RFC3: variants seen among roughly 807,000 people sequenced by gnomAD.
RFC3 encodes A1 38 kDa subunit.
RFC3 carries 41 observed loss-of-function variants against 45.1 expected under a neutral mutation model. That is an observed-to-expected ratio of 0.91 (90% confidence interval 0.71 to 1.18). RFC3 has a LOEUF of 1.18. RFC3 is among the 50% of genes most tolerant of loss of function. RFC3 has a pLI of 0.00. For synonymous variants in RFC3, 149 were observed against 144.0 expected, an observed-to-expected ratio of 1.03 and a Z score of -0.25; for missense variants, 423 against 428.1, an observed-to-expected ratio of 0.99 and a Z score of 0.10.
chr13:33,966,499 A>G, exon 9 of RFC3: 1 of 242,296 alleles, frequency 4.1e-6, no homozygotes, highest in South Asian at 1.1e-4. Flanking sequence ...CATGTATTTA[A>G]TAAGTACAAC....
At chr13:33,951,308 C>G (rs1005283670) in intron 8 of RFC3, among the ~76,000 whole-genome samples, 1 of 150,868 alleles carries the variant, frequency 6.6e-6, no homozygotes, top group Non-Finnish European at 1.5e-5. Flanking sequence ...TCTCGGGTCA[C>G]TGCAACCTCT....
At chr13:33,931,921 C>G (rs1448340892) in intron 8 of RFC3, among the ~76,000 whole-genome samples, 3 of 152,040 alleles carry the variant, frequency 2.0e-5, no homozygotes, top group Non-Finnish European at 4.4e-5. Flanking sequence ...TGACAATTTT[C>G]TCCATACTTT....
intron 8 of RFC3, among the ~76,000 whole-genome samples, chr13:33,842,943 C>T (rs1399956363): frequency 6.6e-6 from 1 of 152,106 alleles, no homozygotes; most frequent in Non-Finnish European, 1.5e-5. Context: ...TGTAGTTGTG[C>T]AGTATACATC....
intron 8 of RFC3, among the ~76,000 whole-genome samples, chr13:33,883,408 C>T (rs1208011300): frequency 6.6e-6 from 1 of 152,058 alleles, no homozygotes; most frequent in Non-Finnish European, 1.5e-5. Flanking sequence ...ATTAAAATGC[C>T]ACATCAAAGG....
chr13:33,837,657 A>C (rs1258434709), downstream of RFC3, among the ~76,000 whole-genome samples: 1 of 152,056 alleles, frequency 6.6e-6, no homozygotes, highest in Non-Finnish European at 1.5e-5. Context: ...AATATAAGAG[A>C]ATTCCTGTTG....
chr13:33,864,746 C>G (rs2082362398), intron 8 of RFC3, among the ~76,000 whole-genome samples: 1 of 151,920 alleles, frequency 6.6e-6, no homozygotes, highest in African/African-American at 2.4e-5. Context: ...GTGATATAAT[C>G]CAATAAATGG....
At chr13:33,855,128 G>T (rs2082300875) in intron 8 of RFC3, among the ~76,000 whole-genome samples, 1 of 152,136 alleles carries the variant, frequency 6.6e-6, no homozygotes, top group African/African-American at 2.4e-5. Flanking sequence ...CTCCTCCTTT[G>T]TGCTTTATAA....
chr13:33,922,315 A>G (rs1463928730), intron 8 of RFC3, among the ~76,000 whole-genome samples: 1 of 152,054 alleles, frequency 6.6e-6, no homozygotes, highest in African/African-American at 2.4e-5. Flanking sequence ...TAATTTTAGG[A>G]CTTTCCCATC....
At chr13:33,947,100 C>CAT (rs1354302773) in intron 8 of RFC3, among the ~76,000 whole-genome samples, 2 of 152,188 alleles carry the variant, frequency 1.3e-5, no homozygotes, top group African/African-American at 4.8e-5. Flanking sequence ...TATAATGCAA[C>CAT]ATACATGTTG....
At chr13:33,842,369 A>C (rs2082205861), downstream of RFC3, among the ~76,000 whole-genome samples, 1 of 152,118 alleles carries the variant, frequency 6.6e-6, no homozygotes, top group African/African-American at 2.4e-5. Context: ...AATACGATCT[A>C]ATCTTCCACC....
At chr13:33,970,026 C>T (rs1365024545), downstream of RFC3, among the ~76,000 whole-genome samples, 3 of 151,916 alleles carry the variant, frequency 2.0e-5, no homozygotes, top group Non-Finnish European at 4.4e-5. Flanking sequence ...CAGATCACCC[C>T]ATAACCTAGG....
At chr13:33,834,825 C>G (rs761308126) in intron 7 of RFC3, among the ~76,000 whole-genome samples, 2 of 152,056 alleles carry the variant, frequency 1.3e-5, no homozygotes, top group Non-Finnish European at 2.9e-5. Context: ...CAATTTCTAT[C>G]TGGTATTTTC....
At chr13:33,907,807 A>G (rs909237278) in intron 8 of RFC3, among the ~76,000 whole-genome samples, 1 of 152,116 alleles carries the variant, frequency 6.6e-6, no homozygotes, top group Non-Finnish European at 1.5e-5. Context: ...ATCCAATTTA[A>G]ACTCTGTTAA....
At chr13:33,895,926 A>G (rs1341600384) in intron 8 of RFC3, among the ~76,000 whole-genome samples, 3 of 152,200 alleles carry the variant, frequency 2.0e-5, no homozygotes, top group African/African-American at 2.4e-5. Context: ...CAAATACCAT[A>G]TAATCTCACT....
Position 33,836,477 on chromosome 13 carries a change from G to A in RFC3, c.*182G>A. On this transcript the variant is annotated 3_prime_UTR_variant, in exon 9 of 9. Transcript: ENST00000380071. ...AAATAATTGCTCCTATACTATTGAAGTATGTAGTTTTGTACATAACTTAGA... is the reference window on the plus strand; with the variant it reads ...AAATAATTGCTCCTATACTATTGAAATATGTAGTTTTGTACATAACTTAGA... The A allele has an allele frequency of 6.6e-6, 9 of 1,371,526 alleles. No homozygotes were observed. The highest frequency in any genetic ancestry group is 2.9e-5 in the African/African-American group (2 of 68,856). 85.0% of individuals were successfully genotyped at this position (1,371,526 alleles called of 1,614,324 possible). A position where few individuals can be genotyped will look rare whatever the true frequency, so the allele number is the denominator to read the frequency against.
At chr13:33,871,518 C>A (rs1328738742) in intron 8 of RFC3, among the ~76,000 whole-genome samples, 1 of 152,208 alleles carries the variant, frequency 6.6e-6, no homozygotes, top group Non-Finnish European at 1.5e-5. Context: ...TGGCCACAGC[C>A]AGCTAATCCG....
rs561531391 is a variant in RFC3 at position 33,852,259 on chromosome 13, A to G, written c.879+17042A>G. Among the ~76,000 whole-genome samples, 40 of 152,236 alleles carry G rather than the reference A, an allele frequency of 2.6e-4. No individual in the cohort carries two copies. The South Asian group carries it at 7.9e-3, about 30-fold the overall frequency. ...CATCCAGCTCTTAGAGAGATGGAGT[A>G]TTTTATTTAATTCTCATCTTTGAGA... On this transcript the variant is annotated intron_variant, in intron 8 of 8. Coordinates refer to the RFC3 transcript ENST00000434425.
At chr13:33,940,269 A>G (rs1428404949) in intron 8 of RFC3, among the ~76,000 whole-genome samples, 1 of 151,990 alleles carries the variant, frequency 6.6e-6, no homozygotes, top group Non-Finnish European at 1.5e-5. Flanking sequence ...CACAAATTTT[A>G]TTATATCTGA....
At chr13:33,908,502 T>A (rs2082685007) in intron 8 of RFC3, among the ~76,000 whole-genome samples, 1 of 151,932 alleles carries the variant, frequency 6.6e-6, no homozygotes, top group Admixed American at 6.6e-5. Flanking sequence ...GGAGAATTAT[T>A]ATTATTGCAG....
Sources: gnomAD v4.1 joint callset for allele counts (sites outside exome capture counted in the v4.1 genomes callset) on GRCh38, gnomAD v4.1.1 for gene constraint, MANE v1.5 for transcripts, NCBI Gene and HGNC (gene_info 2026-07-23, HGNC 2026-07-21) for gene names.